Variants in ARHGEF26 observed in about 807,000 individuals in gnomAD.
The protein encoded by ARHGEF26 is Rho guanine nucleotide exchange factor (GEF) 26.
In ARHGEF26, 59 loss-of-function variants were observed where a neutral mutation model predicts 89.4. The ratio of observed to expected loss-of-function variants is 0.66; its 90% CI spans 0.54 to 0.82. ARHGEF26 has a LOEUF of 0.82. Ranked by LOEUF, ARHGEF26 falls within the 40% of genes least tolerant of loss-of-function variation. The pLI is 0.00. For missense variants in ARHGEF26, 1,234 were observed against 1,085.6 expected (o/e 1.14, Z -1.92); for synonymous variants, 500 against 428.4 (o/e 1.17, Z -2.06).
chr3:154,140,587 G>GT (rs1559856070), intron 4 of ARHGEF26, among the ~76,000 whole-genome samples: 45 of 88,738 alleles, frequency 5.1e-4, no homozygotes, highest in African/African-American at 2.0e-3. Flanking sequence ...GTTTCTGAGT[G>GT]CTTTTTTTTT....
At chr3:154,166,305 C>A (rs1488803843) in intron 6 of ARHGEF26, among the ~76,000 whole-genome samples, 1 of 152,192 alleles carries the variant, frequency 6.6e-6, no homozygotes, top group East Asian at 1.9e-4. Flanking sequence ...CCGCCTTGGC[C>A]TCCCAAAATG....
At chr3:154,150,500 G>C (rs1380126905) in intron 5 of ARHGEF26, among the ~76,000 whole-genome samples, 1 of 151,692 alleles carries the variant, frequency 6.6e-6, no homozygotes, top group Non-Finnish European at 1.5e-5. Flanking sequence ...CATATTTTTT[G>C]GTTTTCTGTT....
chr3:154,246,214 C>T (rs572262647), intron 12 of ARHGEF26, among the ~76,000 whole-genome samples: 4 of 152,138 alleles, frequency 2.6e-5, no homozygotes, highest in East Asian at 1.9e-4. Flanking sequence ...AGGAGTCAAC[C>T]CTTAGGAAAA....
chr3:154,230,328 C>G lies in ARHGEF26; in HGVS notation c.2090+4318C>G, dbSNP rs373656852. Among the ~76,000 whole-genome samples the G allele has an allele frequency of 9.2e-5, 14 of 152,150 alleles. No individual in the cohort carries two copies. In the East Asian group the frequency reaches 1.9e-3, roughly 21 times the overall value. On this transcript the variant is annotated intron_variant, in intron 11 of 14. Transcript: ENST00000465093. ...GCTGAGGAAAAGAGAGATAAAATATCTTTTTCAAGGTCTTTCAGCAGAGCC... is the reference window on the plus strand; with the variant it reads ...GCTGAGGAAAAGAGAGATAAAATATGTTTTTCAAGGTCTTTCAGCAGAGCC...
At chr3:154,154,902 A>G (rs905602484) in intron 6 of ARHGEF26, among the ~76,000 whole-genome samples, 25 of 152,138 alleles carry the variant, frequency 1.6e-4, no homozygotes, top group African/African-American at 5.5e-4. Flanking sequence ...ACCCTGCTAT[A>G]TATTAGCCAT....
At chr3:154,189,958 G>T (rs1234361432) in intron 7 of ARHGEF26, among the ~76,000 whole-genome samples, 2 of 151,854 alleles carry the variant, frequency 1.3e-5, no homozygotes, top group Non-Finnish European at 2.9e-5. Context: ...TGCTATTCTG[G>T]CATTCTCCCC....
At chr3:154,241,653 G>T (rs1717489037) in intron 12 of ARHGEF26, among the ~76,000 whole-genome samples, 1 of 152,192 alleles carries the variant, frequency 6.6e-6, no homozygotes, top group South Asian at 2.1e-4. Context: ...AGAGAGATTG[G>T]GCTCAACTTC....
intron 6 of ARHGEF26, among the ~76,000 whole-genome samples, chr3:154,186,267 G>A (rs1433369996): frequency 1.3e-5 from 2 of 151,966 alleles, no homozygotes; most frequent in African/African-American, 4.8e-5. Flanking sequence ...ATATTCGTAT[G>A]CAGATGTTCA....
In ARHGEF26 at chr3:154,187,671, C is replaced by A; in HGVS notation, c.1488-14C>A. 6.3e-7 allele frequency: 1 copy of A among 1,575,400 alleles called. No individual in the cohort carries two copies. ...GAAAGAAGTGTTAATTTTTTTTTCC[C>A]TTTGGTTTTTCAGGTTCTTTATAGA... is the stretch of plus-strand genomic sequence containing the variant. On this transcript the variant is annotated splice_polypyrimidine_tract_variant and intron_variant, in intron 6 of 14. Transcript: ENST00000465093.
chr3:154,179,525 G>C (rs889706408), intron 6 of ARHGEF26, among the ~76,000 whole-genome samples: 2 of 145,174 alleles, frequency 1.4e-5, no homozygotes, highest in African/African-American at 2.5e-5. Context: ...GAGAGGGCTA[G>C]CCTCTCTGAG....
At chr3:154,163,054 A>C (rs559287309) in intron 6 of ARHGEF26, among the ~76,000 whole-genome samples, 2 of 152,232 alleles carry the variant, frequency 1.3e-5, no homozygotes, top group Non-Finnish European at 2.9e-5. Flanking sequence ...ATTCACCAAA[A>C]ATTGGGTAAA....
At chr3:154,160,149 C>T (rs571882835) in intron 6 of ARHGEF26, among the ~76,000 whole-genome samples, 2 of 152,198 alleles carry the variant, frequency 1.3e-5, no homozygotes, top group African/African-American at 2.4e-5. Context: ...GTTTCTCTAT[C>T]CTGAGATTAA....
At chr3:154,137,321 C>A (rs1719068156) in intron 4 of ARHGEF26, among the ~76,000 whole-genome samples, 1 of 152,156 alleles carries the variant, frequency 6.6e-6, no homozygotes, top group African/African-American at 2.4e-5. Context: ...CCATATGATA[C>A]CCTGCACCAC....
chr3:154,187,582 T>C (rs1472364462), intron 6 of ARHGEF26, 103 bp from the exon 7 acceptor site: 1 of 1,009,496 alleles, frequency 9.9e-7, no homozygotes, highest in Non-Finnish European at 1.4e-6. Flanking sequence ...CTGTGTACTG[T>C]TGAATTTTCA....
intron 6 of ARHGEF26, among the ~76,000 whole-genome samples, chr3:154,163,924 A>G (rs974481345): frequency 1.1e-4 from 16 of 152,098 alleles, no homozygotes; most frequent in African/African-American, 3.6e-4. Context: ...TATGCTGTCT[A>G]TGTACTTTCC....
chr3:154,224,543 G>A (rs1475590992), intron 10 of ARHGEF26, among the ~76,000 whole-genome samples: 1 of 152,214 alleles, frequency 6.6e-6, no homozygotes, highest in African/African-American at 2.4e-5. Flanking sequence ...AGATAGTCCT[G>A]TGTTTCCTGT....
At chr3:154,182,101 A>G (rs951350738) in intron 6 of ARHGEF26, among the ~76,000 whole-genome samples, 3 of 151,906 alleles carry the variant, frequency 2.0e-5, no homozygotes, top group African/African-American at 7.3e-5. Flanking sequence ...ATATATATAA[A>G]TATAGTAGTG....
rs11924672 is a variant in ARHGEF26 at position 154,240,316 on chromosome 3, A to G, written c.2091-54A>G. ...CCAAAATGTGCCTCGAAAACTGACAATGTCAGTCTTATCTGCTGAATAATT... is the reference window on the plus strand; with the variant it reads ...CCAAAATGTGCCTCGAAAACTGACAGTGTCAGTCTTATCTGCTGAATAATT... On this transcript the variant is annotated intron_variant, in intron 11 of 14. Coordinates refer to ENST00000465093, the MANE Select transcript of ARHGEF26 (RefSeq NM_015595.4). The G allele has an allele frequency of 2.4e-3, 3,373 of 1,378,168 alleles. 50 individuals are homozygous for G. The African/African-American group carries it at 0.039, about 16-fold the overall frequency. 85.4% of individuals were successfully genotyped at this position (1,378,168 alleles called of 1,614,324 possible). A position where few individuals can be genotyped will look rare whatever the true frequency, so the allele number is the denominator to read the frequency against.
intron 6 of ARHGEF26, chr3:154,187,310 T>G (rs138203346): frequency 2.7e-6 from 2 of 743,426 alleles, no homozygotes; most frequent in South Asian, 6.1e-5. Flanking sequence ...TAATGAAATA[T>G]GTTTAGTCTA....
Sources: allele counts gnomAD v4.1 joint callset (sites outside exome capture counted in the v4.1 genomes callset), GRCh38; gene constraint gnomAD v4.1.1; transcripts MANE v1.5; gene names NCBI Gene and HGNC (gene_info 2026-07-23, HGNC 2026-07-21).